Variants in KMT2E observed in about 807,000 individuals in gnomAD.
KMT2E encodes histone reader KMT2E.
Under a neutral mutation model 184.6 loss-of-function variants are expected in KMT2E, and 30 were observed. The observed-to-expected ratio is 0.16, with a 90% confidence interval of 0.12 to 0.22. The LOEUF (loss-of-function observed/expected upper bound fraction) is 0.22. Among genes scored for constraint, KMT2E ranks in the 10% least tolerant of loss-of-function variants. The pLI, the probability that KMT2E is intolerant of heterozygous loss-of-function variation, is 1.00. For missense variants in KMT2E, 2,023 were observed against 2,237.4 expected, an observed-to-expected ratio of 0.90 and a Z score of 1.93; for synonymous variants, 815 against 776.5, an observed-to-expected ratio of 1.05 and a Z score of -0.82.
intron 26 of KMT2E, 111 bp downstream of exon 26, chr7:105,110,979 CT>C (rs1290535264): frequency 1.4e-6 from 1 of 706,384 alleles, no homozygotes; most frequent in Admixed American, 2.6e-5. Flanking sequence ...CAACTTGTGA[CT>C]TCTGGACACT....
intron 9 of KMT2E, 41 bp downstream of exon 9, chr7:105,076,122 T>G: frequency 7.3e-7 from 1 of 1,366,190 alleles, no homozygotes; most frequent in Non-Finnish European, 1.0e-6. Context: ...CAACTGTCAT[T>G]TATTCAGGAG....
intron 8 of KMT2E, 118 bp from the exon 9 acceptor site, chr7:105,075,925 G>A: frequency 2.7e-6 from 2 of 728,828 alleles, no homozygotes; most frequent in South Asian, 3.3e-5. Flanking sequence ...AGCTTTCTTG[G>A]TTACCAAATT....
chr7:105,050,665 T>TTTTCTTTCTTTCTTTCTTTCTTTC lies in KMT2E; in HGVS notation c.71+9644_71+9667dup, dbSNP rs557700509. Among the ~76,000 whole-genome samples, 99 of 147,514 alleles carry TTTTCTTTCTTTCTTTCTTTCTTTC rather than the reference T, an allele frequency of 6.7e-4. 1 individual carries two copies. The East Asian group carries it at 0.015, about 22-fold the overall frequency. On this transcript the variant is annotated intron_variant, in intron 3 of 26. Transcript: ENST00000311117. ...TTTCTTTTTTCTTTCTTTCTTTCTTTTTTCTTTCTTTCTTTCTTTCTTTCT... is the reference window on the plus strand; with the variant it reads ...TTTCTTTTTTCTTTCTTTCTTTCTTTTTTCTTTCTTTCTTTCTTTCTTTCTTTCTTTCTTTCTTTCTTTCTTTCT...
intron 1 of KMT2E, among the ~76,000 whole-genome samples, chr7:105,015,640 T>C (rs967745510): frequency 1.3e-5 from 2 of 152,150 alleles, no homozygotes; most frequent in African/African-American, 4.8e-5. Flanking sequence ...AAAACTGAAA[T>C]TTCCCTCTTT....
chr7:105,092,800 ATTAC>A (rs1456595415), intron 15 of KMT2E, among the ~76,000 whole-genome samples: 2 of 152,066 alleles, frequency 1.3e-5, no homozygotes, highest in African/African-American at 4.8e-5. Flanking sequence ...AATTTAGAGT[ATTAC>A]TTATTTCTGT....
At chr7:105,070,983 A>T (rs1342893137) in intron 6 of KMT2E, among the ~76,000 whole-genome samples, 1 of 152,238 alleles carries the variant, frequency 6.6e-6, no homozygotes, top group African/African-American at 2.4e-5. Flanking sequence ...AAAGCAAGGT[A>T]GACAAATATA....
chr7:105,054,016 T>TA (rs1369249466), intron 3 of KMT2E, among the ~76,000 whole-genome samples: 3 of 151,416 alleles, frequency 2.0e-5, no homozygotes, highest in African/African-American at 4.9e-5. Context: ...CTACTAAAAA[T>TA]AAAAAAACTT....
At chr7:105,030,487 T>C (rs2129564524) in intron 1 of KMT2E, among the ~76,000 whole-genome samples, 1 of 152,352 alleles carries the variant, frequency 6.6e-6, no homozygotes, top group South Asian at 2.1e-4. Flanking sequence ...TGGAACAAGA[T>C]AACCTGATAA....
At chr7:105,070,629 T>C (rs1188662538) in intron 6 of KMT2E, among the ~76,000 whole-genome samples, 1 of 92,142 alleles carries the variant, frequency 1.1e-5, no homozygotes, top group Non-Finnish European at 1.9e-5. Flanking sequence ...CGGGACTGTG[T>C]CTCAAAAAAA....
intron 3 of KMT2E, among the ~76,000 whole-genome samples, chr7:105,057,993 T>C (rs1796642580): frequency 6.6e-6 from 1 of 152,222 alleles, no homozygotes; most frequent in African/African-American, 2.4e-5. Flanking sequence ...TTGAAATGTC[T>C]CTTGAATCTC....
In KMT2E at chr7:105,043,656, G is replaced by T. The variant is rs369129376; in HGVS notation, c.71+2633G>T. On this transcript the variant is annotated intron_variant, in intron 3 of 26. Coordinates refer to ENST00000311117, the MANE Select transcript of KMT2E (RefSeq NM_182931.3). Reference sequence around the variant, plus strand: ...AATAAGATTTTAAATTTGTAAAGTGGTTCCAGAAAAATGTGGCAATATCAA... The same window carrying T: ...AATAAGATTTTAAATTTGTAAAGTGTTTCCAGAAAAATGTGGCAATATCAA... Among the ~76,000 whole-genome samples, 4 of 152,302 alleles carry T rather than the reference G, an allele frequency of 2.6e-5. No individual in the cohort carries two copies. In the East Asian group the frequency reaches 5.8e-4, roughly 22 times the overall value.
At chr7:105,080,073 C>T (rs1339180268) in intron 12 of KMT2E, among the ~76,000 whole-genome samples, 4 of 151,896 alleles carry the variant, frequency 2.6e-5, no homozygotes, top group African/African-American at 4.8e-5. Context: ...TCTGGAGCTC[C>T]TGTGTTCAAG....
intron 13 of KMT2E, among the ~76,000 whole-genome samples, chr7:105,086,821 A>G (rs1797984020): frequency 6.8e-6 from 1 of 147,432 alleles, no homozygotes; most frequent in Non-Finnish European, 1.5e-5. Context: ...TAAAATATAT[A>G]TACCACTCCA....
At chr7:105,081,909 G>A (rs187901825) in intron 13 of KMT2E, 112 bp downstream of exon 13, 5 of 543,046 alleles carry the variant, frequency 9.2e-6, no homozygotes, top group Non-Finnish European at 1.6e-5. Flanking sequence ...TATCTATCAT[G>A]AATCAGTTAA....
intron 14 of KMT2E, 135 bp from the exon 15 acceptor site, chr7:105,091,081 A>T: frequency 2.0e-6 from 1 of 503,892 alleles, no homozygotes. Context: ...AACCAGTTTT[A>T]AATTTCTTAA....
At chr7:105,050,645 T>C (rs76755952) in intron 3 of KMT2E, among the ~76,000 whole-genome samples, 4 of 88,064 alleles carry the variant, frequency 4.5e-5, no homozygotes, top group South Asian at 6.5e-4. Flanking sequence ...TCTCTTTTCT[T>C]TTTTCTTTCT....
intron 5 of KMT2E, among the ~76,000 whole-genome samples, chr7:105,065,178 CGTT>C (rs1796979363): frequency 6.6e-6 from 1 of 152,104 alleles, no homozygotes; most frequent in Non-Finnish European, 1.5e-5. Flanking sequence ...TCTAACTTTA[CGTT>C]GGCTCATTAT....
Position 105,107,165 on chromosome 7 carries a change from G to T in KMT2E, c.2848-1G>T. 6.9e-7 allele frequency: 1 copy of T among 1,448,204 alleles called. No homozygotes were observed. Among genetic ancestry groups the T allele is most frequent in the South Asian group, 1.3e-5 (1 of 78,466 alleles). 89.7% of individuals were successfully genotyped at this position (1,448,204 alleles called of 1,614,324 possible). A position where few individuals can be genotyped will look rare whatever the true frequency, so the allele number is the denominator to read the frequency against. ...AATTCTAATTCTTTCTTTATATACA[G>T]AATATTTCTTCCCCAGAAAGTTCTC... On this transcript the variant is annotated splice_acceptor_variant, in intron 20 of 26. Coordinates refer to ENST00000311117, the MANE Select transcript of KMT2E (RefSeq NM_182931.3). LOFTEE classifies it high-confidence loss of function.
chr7:105,060,640 T>A (rs1187934745), intron 3 of KMT2E, among the ~76,000 whole-genome samples: 1 of 152,036 alleles, frequency 6.6e-6, no homozygotes, highest in African/African-American at 2.4e-5. Context: ...CTTGCTATCT[T>A]ACCCAAGCTA....
Sources: gnomAD v4.1 joint callset for allele counts (sites outside exome capture counted in the v4.1 genomes callset) on GRCh38, gnomAD v4.1.1 for gene constraint, MANE v1.5 for transcripts, NCBI Gene and HGNC (gene_info 2026-07-23, HGNC 2026-07-21) for gene names.